The following KLHL22 variants were observed in gnomAD, a reference collection of about 807,000 sequenced individuals.
KLHL22 encodes the protein kelch like family member 22, also known as kelch-like protein 22.
A neutral mutation model predicts 60.7 loss-of-function variants in KLHL22; 18 were observed. The observed-to-expected ratio is 0.30, with a 90% CI of 0.20 to 0.44. KLHL22 has a LOEUF of 0.44. KLHL22 is among the 20% of genes least tolerant of loss of function. KLHL22 has a pLI of 1.00. For synonymous variants in KLHL22, 355 were observed against 354.5 expected (o/e 1.00, Z -0.01); for missense variants, 596 against 852.3 (o/e 0.70, Z 3.74).
intron 1 of KLHL22, among the ~76,000 whole-genome samples, chr22:20,494,723 T>G (rs1411316332): frequency 6.6e-6 from 1 of 152,104 alleles, no homozygotes; most frequent in South Asian, 2.1e-4. Flanking sequence ...AAGTTCCCCG[T>G]TTTGTACTGT....
Position 20,442,178 on chromosome 22 carries a change from C to T in KLHL22, c.1800G>A (p.Glu600=). Reference sequence around the variant, plus strand: ...TGCGGTCAGGGGTCCCGCGGGGCGGCTCAAGGAGCAGGGAGCGGGGCAGGG... The same window carrying T: ...TGCGGTCAGGGGTCCCGCGGGGCGGTTCAAGGAGCAGGGAGCGGGGCAGGG... ...VLTLPRSLLL[E]PPRGTPDRSQ... Residue 600 remains glutamate, a synonymous_variant, in exon 7 of 7, where the codon GAG becomes GAA. Transcript: ENST00000328879. 6.4e-7 allele frequency: 1 copy of T among 1,570,142 alleles called. No individual in the cohort carries two copies. Among genetic ancestry groups the T allele is most frequent in the Non-Finnish European group, 8.7e-7 (1 of 1,155,952 alleles).
At chr22:20,445,208 ATT>A (rs57956195) in intron 6 of KLHL22, among the ~76,000 whole-genome samples, 15 of 120,408 alleles carry the variant, frequency 1.2e-4, no homozygotes, top group African/African-American at 1.9e-4. Context: ...ACCCTTCTCT[ATT>A]TTTTTTTTTT....
At chr22:20,475,675 C>T (rs1347138313) in intron 2 of KLHL22, among the ~76,000 whole-genome samples, 1 of 152,064 alleles carries the variant, frequency 6.6e-6, no homozygotes, top group African/African-American at 2.4e-5. Context: ...GATTCTCCTG[C>T]CTCCCAGCCT....
At chr22:20,450,230 T>C (rs969922705) in intron 5 of KLHL22, 35 of 832,152 alleles carry the variant, frequency 4.2e-5, no homozygotes, top group Middle Eastern at 2.2e-4. Flanking sequence ...TGATGTGACA[T>C]TGAGTAGAGC....
chr22:20,494,191 C>T (rs1036120091), intron 1 of KLHL22, among the ~76,000 whole-genome samples: 7 of 151,368 alleles, frequency 4.6e-5, no homozygotes, highest in Non-Finnish European at 1.0e-4. Context: ...GGCAATATAG[C>T]GCGACCCTTT....
intron 2 of KLHL22, among the ~76,000 whole-genome samples, chr22:20,480,268 ATC>A (rs1442820951): frequency 2.0e-5 from 3 of 152,142 alleles, no homozygotes; most frequent in Non-Finnish European, 2.9e-5. Context: ...AGTTCTGGAG[ATC>A]TGTTTCGTAA....
intron 4 of KLHL22, among the ~76,000 whole-genome samples, chr22:20,463,844 C>T (rs752880750): frequency 6.6e-6 from 1 of 152,230 alleles, no homozygotes; most frequent in Non-Finnish European, 1.5e-5. Flanking sequence ...GAGAAATGGC[C>T]TTCTCCTCCT....
chr22:20,443,598 G>C (rs2052802771), intron 6 of KLHL22, among the ~76,000 whole-genome samples: 1 of 152,134 alleles, frequency 6.6e-6, no homozygotes, highest in Non-Finnish European at 1.5e-5. Flanking sequence ...AATCAGCTGG[G>C]CATGGTGGCA....
In KLHL22 at chr22:20,464,863, G is replaced by A. The variant is rs777204881; in HGVS notation, c.1107C>T (p.Cys369=). 9 of 1,527,836 alleles carry A rather than the reference G, an allele frequency of 5.9e-6. 1 individual carries two copies. The South Asian group carries it at 1.2e-4, about 20-fold the overall frequency. 94.6% of individuals were successfully genotyped at this position (1,527,836 alleles called of 1,614,324 possible). A position where few individuals can be genotyped will look rare whatever the true frequency, so the allele number is the denominator to read the frequency against. The change falls in exon 4 of 7, where the codon TGC becomes TGT. Residue 369 remains cysteine, a synonymous_variant. Transcript: ENST00000328879. ...NVQGFRAESR[C]WRYDPRHNRW... The stretch of plus-strand genomic sequence containing the variant: ...CAGCTAGCACCCTGTCCTACCTCCA[G>A]CATCGGGACTCTGCTCGAAATCCTT...
intron 2 of KLHL22, among the ~76,000 whole-genome samples, chr22:20,476,704 C>T (rs1453527744): frequency 6.9e-6 from 1 of 144,304 alleles, no homozygotes; most frequent in Non-Finnish European, 1.5e-5. Flanking sequence ...TGAGCCACCA[C>T]GCCCGGCCTT....
intron 6 of KLHL22, among the ~76,000 whole-genome samples, chr22:20,444,561 C>CT (rs1175718402): frequency 2.0e-5 from 3 of 152,146 alleles, no homozygotes; most frequent in Non-Finnish European, 4.4e-5. Context: ...GATGCAGACT[C>CT]TGTTAGTCTG....
At chr22:20,476,820 T>C (rs935082167) in intron 2 of KLHL22, among the ~76,000 whole-genome samples, 17 of 151,074 alleles carry the variant, frequency 1.1e-4, no homozygotes, top group Middle Eastern at 3.4e-3. Flanking sequence ...GCGATTCTCC[T>C]GCCTCAGCCT....
intron 1 of KLHL22, among the ~76,000 whole-genome samples, chr22:20,494,979 AG>A (rs1427109876): frequency 2.0e-5 from 3 of 152,200 alleles, no homozygotes; most frequent in Non-Finnish European, 4.4e-5. Flanking sequence ...ACAAAGGCAA[AG>A]GGGGCGGCTG....
At chr22:20,453,064 G>A (rs2053003794) in intron 5 of KLHL22, among the ~76,000 whole-genome samples, 1 of 152,152 alleles carries the variant, frequency 6.6e-6, no homozygotes, top group Non-Finnish European at 1.5e-5. Context: ...GTTCCTCTGT[G>A]TCATGGAGTG....
intron 2 of KLHL22, among the ~76,000 whole-genome samples, chr22:20,474,409 A>G (rs2053376311): frequency 6.6e-6 from 1 of 150,822 alleles, no homozygotes; most frequent in East Asian, 2.0e-4. Flanking sequence ...TTATTTTTTT[A>G]AGATGGAGTT....
In KLHL22 at chr22:20,446,448, G is replaced by C. The variant is rs1465172795; in HGVS notation, c.1534C>G (p.His512Asp). 1 of 1,597,896 alleles carries C rather than the reference G, an allele frequency of 6.3e-7. No homozygotes were observed. The highest frequency in any genetic ancestry group is 8.5e-7 in the Non-Finnish European group (1 of 1,169,880). Residue 512 changes from histidine (H) to aspartate (D), a missense_variant, in exon 6 of 7, where the codon CAC becomes GAC. Coordinates refer to ENST00000328879, the MANE Select transcript of KLHL22 (RefSeq NM_032775.4). The part of the protein sequence containing the change: ...NNDAGYRRDV[H>D]QVACYSCTSG... The stretch of plus-strand genomic sequence containing the variant: ...CTGCCCCGGGCCCCACTCACCTGGT[G>C]CACGTCCCTCCTGTATCCGGCATCG...
chr22:20,446,760 C>G, intron 5 of KLHL22, 84 bp from the exon 6 acceptor site: 3 of 988,750 alleles, frequency 3.0e-6, no homozygotes, highest in Non-Finnish European at 4.8e-6. Context: ...ATCACCACCC[C>G]ACACCTGCCT....
rs777158199 is a variant in KLHL22 at position 20,442,022 on chromosome 22, A to C, written c.*51T>G. 7 of 1,485,482 alleles carry C rather than the reference A, an allele frequency of 4.7e-6. No individual in the cohort carries two copies. The highest frequency in any genetic ancestry group is 2.8e-5 in the African/African-American group (2 of 70,570). The allele number at this position is 1,485,482 out of a possible 1,614,324, so 92.0% of individuals were successfully genotyped here. On this transcript the variant is annotated 3_prime_UTR_variant, in exon 7 of 7. Coordinates refer to ENST00000328879, the MANE Select transcript of KLHL22 (RefSeq NM_032775.4). The stretch of plus-strand genomic sequence containing the variant: ...CTCTGGCCTAGGCTGCGTGGGTTTC[A>C]CTGCCCTGCAGCCCCAGCCTCCCTT...
intron 1 of KLHL22, chr22:20,492,053 C>G (rs2053700388): frequency 6.6e-6 from 1 of 152,394 alleles, no homozygotes; most frequent in African/African-American, 2.4e-5. Flanking sequence ...TCTGACCTCT[C>G]TCTTTCATCC....
Sources: allele counts gnomAD v4.1 joint callset (sites outside exome capture counted in the v4.1 genomes callset), GRCh38; gene constraint gnomAD v4.1.1; transcripts MANE v1.5; gene names NCBI Gene and HGNC (gene_info 2026-07-23, HGNC 2026-07-21).